The following DYRK1A variants were observed in gnomAD, a reference collection of about 807,000 sequenced individuals.
The protein encoded by DYRK1A is dual specificity tyrosine-phosphorylation-regulated kinase 1A.
DYRK1A carries 9 observed loss-of-function variants against 79.7 expected under a neutral mutation model. The ratio of observed to expected loss-of-function variants is 0.11; its 90% CI spans 0.07 to 0.20. The LOEUF is 0.20. Among genes scored for constraint, DYRK1A ranks in the 10% least tolerant of loss-of-function variants. The pLI is 1.00. For missense variants in DYRK1A, 622 were observed against 956.0 expected (o/e 0.65, Z 4.61); for synonymous variants, 349 against 329.7 (o/e 1.06, Z -0.63).
intron 2 of DYRK1A, among the ~76,000 whole-genome samples, chr21:37,455,848 C>A (rs1328628616): frequency 1.3e-5 from 2 of 152,140 alleles, no homozygotes; most frequent in Non-Finnish European, 2.9e-5. Flanking sequence ...CTGTTATAAA[C>A]CCATTCTGCA....
At chr21:37,435,442 G>A (rs780450763) in intron 2 of DYRK1A, among the ~76,000 whole-genome samples, 73 of 152,216 alleles carry the variant, frequency 4.8e-4, no homozygotes, top group Non-Finnish European at 2.4e-4. Flanking sequence ...CCCACTCACT[G>A]CGGGCAGGCG....
At chr21:37,464,213 T>G (rs1458516460) in intron 2 of DYRK1A, 3 of 448,488 alleles carry the variant, frequency 6.7e-6, no homozygotes, top group Non-Finnish European at 1.3e-5. Context: ...ACTATCTTTT[T>G]GAATCTTATG....
chr21:37,403,395 TCCCCCTTATTG>T (rs1569295088), intron 1 of DYRK1A, among the ~76,000 whole-genome samples: 1 of 152,016 alleles, frequency 6.6e-6, no homozygotes. Flanking sequence ...GACTCCTTTT[TCCCCCTTATTG>T]GATCACATTT....
At position 37,514,589 on chromosome 21, in the gene DYRK1A, G is replaced by A. The variant is rs1354035979; in HGVS notation, c.*2058G>A. 6.6e-6 allele frequency: 1 copy of A among 152,534 alleles called. No individual in the cohort carries two copies. Among genetic ancestry groups the A allele is most frequent in the Non-Finnish European group, 1.5e-5 (1 of 68,014 alleles). The allele number at this position is 152,534 out of a possible 1,614,324, so 9.4% of individuals were successfully genotyped here. ...TGAGAAAAGAAAGGCTAAACACTAT[G>A]TAAATGTGAATGGAAACTTGGAAAT... On this transcript the variant is annotated 3_prime_UTR_variant, in exon 12 of 12. Transcript: ENST00000647188.
At chr21:37,420,134 G>T in intron 1 of DYRK1A, 165 bp from the exon 2 acceptor site, 7 of 324,982 alleles carry the variant, frequency 2.2e-5, no homozygotes, top group Non-Finnish European at 3.4e-5. Context: ...TTTGATTATT[G>T]AAGACTAAGG....
intron 1 of DYRK1A, among the ~76,000 whole-genome samples, chr21:37,386,457 C>G (rs1391125227): frequency 6.6e-6 from 1 of 152,150 alleles, no homozygotes; most frequent in Admixed American, 6.5e-5. Flanking sequence ...TTTGGGTATT[C>G]TGAGGGTTTT....
chr21:37,365,872 G>C (rs544260202), upstream of DYRK1A: 1 of 152,254 alleles, frequency 6.6e-6, no homozygotes, highest in Non-Finnish European at 1.5e-5. Context: ...AGGCACAGGC[G>C]AGCGTGCACT....
chr21:37,403,644 A>ATAT (rs1318770196), intron 1 of DYRK1A, among the ~76,000 whole-genome samples: 4 of 105,924 alleles, frequency 3.8e-5, no homozygotes, highest in Admixed American at 2.9e-4. Flanking sequence ...TAAAAAAAAA[A>ATAT]AAAAATATAT....
At chr21:37,510,494 G>A (rs1229102853) in intron 11 of DYRK1A, among the ~76,000 whole-genome samples, 3 of 152,196 alleles carry the variant, frequency 2.0e-5, no homozygotes, top group Admixed American at 6.5e-5. Context: ...AAAATGGCAA[G>A]TAGCATTAGC....
intron 5 of DYRK1A, among the ~76,000 whole-genome samples, chr21:37,483,625 C>G (rs943964797): frequency 6.6e-6 from 1 of 152,040 alleles, no homozygotes; most frequent in East Asian, 1.9e-4. Context: ...CTGTATCAGC[C>G]TGGCAGGAGT....
At chr21:37,464,385 A>C (rs964211918) in intron 2 of DYRK1A, 1 of 403,116 alleles carries the variant, frequency 2.5e-6, no homozygotes, top group South Asian at 1.9e-5. Flanking sequence ...AAAATATTGA[A>C]TTTTTCCCAA....
At chr21:37,448,684 T>C (rs1240502950) in intron 2 of DYRK1A, among the ~76,000 whole-genome samples, 2 of 152,174 alleles carry the variant, frequency 1.3e-5, no homozygotes, top group African/African-American at 2.4e-5. Flanking sequence ...AAACAAGTAT[T>C]TAAAATTTTT....
chr21:37,368,826 G>A (rs558953397), intron 1 of DYRK1A, among the ~76,000 whole-genome samples: 2 of 152,298 alleles, frequency 1.3e-5, no homozygotes, highest in African/African-American at 4.8e-5. Flanking sequence ...AAATTTTGGA[G>A]TGATTCGTGT....
At chr21:37,370,163 A>G (rs2211839) in intron 1 of DYRK1A, among the ~76,000 whole-genome samples, 21,743 of 152,198 alleles carry the variant, frequency 0.14, 1,736 homozygotes, top group African/African-American at 0.21. Flanking sequence ...GGCTATGACT[A>G]TCTGCAAAAG....
chr21:37,465,111 C>T (rs531865849), intron 2 of DYRK1A, among the ~76,000 whole-genome samples: 1 of 152,158 alleles, frequency 6.6e-6, no homozygotes, highest in Admixed American at 6.5e-5. Context: ...ACCATGTTTA[C>T]CAGCAGTCCT....
At chr21:37,426,914 GGT>G (rs2050638689) in intron 2 of DYRK1A, among the ~76,000 whole-genome samples, 3 of 1,194 alleles carry the variant, frequency 2.5e-3, no homozygotes, top group Admixed American at 0.015. Context: ...AGCGAGACTC[GGT>G]TCTAAAAAAA....
intron 1 of DYRK1A, among the ~76,000 whole-genome samples, chr21:37,394,680 G>A (rs1332028040): frequency 2.6e-5 from 4 of 152,134 alleles, no homozygotes; most frequent in African/African-American, 9.7e-5. Flanking sequence ...TGCTCCTTAT[G>A]AGAATCTAAC....
At chr21:37,479,549 A>G (rs550392234) in intron 4 of DYRK1A, among the ~76,000 whole-genome samples, 87 of 116,276 alleles carry the variant, frequency 7.5e-4, no homozygotes, top group African/African-American at 2.6e-3. Context: ...TAGTTCATCT[A>G]GTATTTTTTT....
chr21:37,400,595 G>GTT (rs1046830508), intron 1 of DYRK1A, among the ~76,000 whole-genome samples: 1 of 152,120 alleles, frequency 6.6e-6, no homozygotes, highest in Non-Finnish European at 1.5e-5. Flanking sequence ...CACCTAATCT[G>GTT]TTTTTTATAA....
Sources: allele counts gnomAD v4.1 joint callset (sites outside exome capture counted in the v4.1 genomes callset), GRCh38; gene constraint gnomAD v4.1.1; transcripts MANE v1.5; gene names NCBI Gene and HGNC (gene_info 2026-07-23, HGNC 2026-07-21).